The following GNAI1 variants were observed in gnomAD, a reference collection of about 807,000 sequenced individuals.
GNAI1 encodes the protein G protein subunit alpha i1, also known as guanine nucleotide-binding protein G(i) subunit alpha-1.
GNAI1 carries 11 observed loss-of-function variants against 38.9 expected under a neutral mutation model. The ratio of observed to expected loss-of-function variants is 0.28; its 90% CI spans 0.18 to 0.47. The LOEUF is 0.47. Among genes scored for constraint, GNAI1 ranks in the 20% least tolerant of loss-of-function variants. The pLI is 0.99. For synonymous variants in GNAI1, 166 were observed against 145.1 expected (o/e 1.14, Z -1.04); for missense variants, 317 against 436.9 (o/e 0.73, Z 2.45).
At chr7:80,207,630 C>T (rs1359094870) in intron 5 of GNAI1, among the ~76,000 whole-genome samples, 7 of 152,074 alleles carry the variant, frequency 4.6e-5, no homozygotes, top group Non-Finnish European at 8.8e-5. Context: ...ACATGAGCCT[C>T]AGATGAATGA....
chr7:80,206,581 A>T (rs566869616), intron 5 of GNAI1, among the ~76,000 whole-genome samples: 8 of 150,236 alleles, frequency 5.3e-5, no homozygotes, highest in African/African-American at 1.9e-4. Context: ...GGGACTTAGA[A>T]TTTTTTTTTT....
chr7:80,194,005 C>T (rs1788526071), intron 3 of GNAI1, among the ~76,000 whole-genome samples: 1 of 152,064 alleles, frequency 6.6e-6, no homozygotes. Flanking sequence ...TTTTCTGTTC[C>T]AATAACTTTG....
At position 80,199,520 on chromosome 7, in the gene GNAI1, A is replaced by C. The variant is rs537092624; in HGVS notation, c.461+138A>C. 19 of 630,698 alleles carry C rather than the reference A, an allele frequency of 3.0e-5. No homozygotes were observed. In the African/African-American group the frequency reaches 3.3e-4, roughly 11 times the overall value. The allele number at this position is 630,698 out of a possible 1,614,324, so 39.1% of individuals were successfully genotyped here. On this transcript the variant is annotated intron_variant, in intron 4 of 7. Coordinates refer to ENST00000649796, the MANE Select transcript of GNAI1 (RefSeq NM_002069.6). Reference sequence around the variant, plus strand: ...GGATATTCAGGATGACAATATTTTAAAACTTTGTCTTATGTGTGTTGTGTG... The same window carrying C: ...GGATATTCAGGATGACAATATTTTACAACTTTGTCTTATGTGTGTTGTGTG...
rs1303981947 is a variant in GNAI1, at chr7:80,219,565, C to G, written c.*2072C>G. Among the ~76,000 whole-genome samples, 1 of 152,130 alleles carries G rather than the reference C, an allele frequency of 6.6e-6. No homozygotes were observed. The highest frequency in any genetic ancestry group is 2.4e-5 in the African/African-American group (1 of 41,426). Reference sequence around the variant, plus strand: ...AGATGTGATGCCACATTTGGAATTGCCTTCTTGATATCCCCTTCTGAGAAT... The same window carrying G: ...AGATGTGATGCCACATTTGGAATTGGCTTCTTGATATCCCCTTCTGAGAAT... On this transcript the variant is annotated 3_prime_UTR_variant, in exon 8 of 8. Transcript: ENST00000649796.
At position 80,212,791 on chromosome 7, in the gene GNAI1, C is replaced by G; in HGVS notation, c.796C>G (p.Leu266Val). ...GTGGTTTACAGATACATCCATTATA[C>G]TTTTTCTAAACAAGAAGGATCTCTT... The part of the protein sequence containing the change: ...NKWFTDTSII[L>V]FLNKKDLFEE... The change falls in exon 7 of 8, where the codon CTT (leucine) becomes GTT (valine). Residue 266 changes from leucine (L) to valine (V), a missense_variant. By Grantham distance (32) the Leu-to-Val change is conservative. Transcript: ENST00000649796. 1 of 1,576,416 alleles carries G rather than the reference C, an allele frequency of 6.3e-7. No homozygotes were observed. The highest frequency in any genetic ancestry group is 8.6e-7 in the Non-Finnish European group (1 of 1,160,690).
intron 1 of GNAI1, among the ~76,000 whole-genome samples, chr7:80,150,649 T>G (rs1385417787): frequency 6.6e-6 from 1 of 152,210 alleles, no homozygotes; most frequent in Non-Finnish European, 1.5e-5. Flanking sequence ...GTTTTAATTC[T>G]CAAGCTGGAT....
At chr7:80,215,688 G>A (rs1396819514) in intron 7 of GNAI1, among the ~76,000 whole-genome samples, 1 of 152,052 alleles carries the variant, frequency 6.6e-6, no homozygotes, top group African/African-American at 2.4e-5. Flanking sequence ...AGGAGATTCA[G>A]CACTGAAAAA....
intron 1 of GNAI1, among the ~76,000 whole-genome samples, chr7:80,166,751 A>G (rs937266714): frequency 1.3e-5 from 2 of 152,164 alleles, no homozygotes; most frequent in African/African-American, 2.4e-5. Context: ...CACTAATACT[A>G]CTGTCATAGA....
chr7:80,164,067 A>C (rs1298192520), intron 1 of GNAI1, among the ~76,000 whole-genome samples: 1 of 68,746 alleles, frequency 1.5e-5, no homozygotes, highest in African/African-American at 6.2e-5. Context: ...TTTTGTGGGG[A>C]CTGAGTCTCT....
chr7:80,214,986 G>A lies in GNAI1; in HGVS notation c.874+2117G>A, dbSNP rs538953452. On this transcript the variant is annotated intron_variant, in intron 7 of 7. Transcript: ENST00000649796. ...TGTTGTTTGGTTGGTTGGGTTGGTCGGTTGGTTGGTTGGTTAGCACCTGAA... is the reference window on the plus strand; with the variant it reads ...TGTTGTTTGGTTGGTTGGGTTGGTCAGTTGGTTGGTTGGTTAGCACCTGAA... 5.9e-5 allele frequency among the ~76,000 whole-genome samples: 9 copies of A among 152,080 alleles called. 2 individuals are homozygous for A. Among genetic ancestry groups the A allele is most frequent in the East Asian group, 1.9e-4 (1 of 5,164 alleles).
chr7:80,206,896 G>C (rs528289088), intron 5 of GNAI1, among the ~76,000 whole-genome samples: 8 of 152,056 alleles, frequency 5.3e-5, no homozygotes, highest in Non-Finnish European at 8.8e-5. Flanking sequence ...GTATGTGAAT[G>C]TGGTCTCACT....
chr7:80,207,661 T>TA (rs2115696422), intron 5 of GNAI1, among the ~76,000 whole-genome samples: 1 of 152,160 alleles, frequency 6.6e-6, no homozygotes, highest in South Asian at 2.1e-4. Flanking sequence ...GCATTTAGAA[T>TA]AATTCTACTG....
Position 80,199,317 on chromosome 7 carries a change from A to G in GNAI1, c.396A>G (p.Lys132=). The change falls in exon 4 of 8, where the codon AAA becomes AAG. Residue 132 remains lysine, a synonymous_variant. Transcript: ENST00000649796. ...CTGGAGTTATAAAGAGATTGTGGAA[A>G]GATAGTGGTGTACAAGCCTGTTTCA... The part of the protein sequence containing the change: ...ELAGVIKRLW[K]DSGVQACFNR... 3 of 1,613,374 alleles carry G rather than the reference A, an allele frequency of 1.9e-6. No homozygotes were observed. Among genetic ancestry groups the G allele is most frequent in the Non-Finnish European group, 2.5e-6 (3 of 1,179,434 alleles).
Position 80,189,078 on chromosome 7 carries a change from T to G in GNAI1, c.162-12T>G, listed in dbSNP as rs1404070291. 1.2e-6 allele frequency: 2 copies of G among 1,605,640 alleles called. No homozygotes were observed. The highest frequency in any genetic ancestry group is 1.7e-6 in the Non-Finnish European group (2 of 1,174,972). ...AGTAAATAATTCTTTTTTTTCCCTT[T>G]TGTCTCATTAGAATTATCCATGAAG... On this transcript the variant is annotated splice_polypyrimidine_tract_variant and intron_variant, in intron 2 of 7. Coordinates refer to ENST00000649796, the MANE Select transcript of GNAI1 (RefSeq NM_002069.6).
chr7:80,136,078 C>A, intron 1 of GNAI1: 1 of 979,944 alleles, frequency 1.0e-6, no homozygotes, highest in Non-Finnish European at 1.2e-6. Context: ...GCCAGGTACA[C>A]GCAAGGCTTT....
At chr7:80,164,734 A>G (rs1787984572) in intron 1 of GNAI1, among the ~76,000 whole-genome samples, 1 of 152,160 alleles carries the variant, frequency 6.6e-6, no homozygotes, top group Non-Finnish European at 1.5e-5. Context: ...AATTTGGGGC[A>G]TTTATCCATC....
At chr7:80,144,085 A>G (rs1787576642) in intron 1 of GNAI1, among the ~76,000 whole-genome samples, 1 of 152,198 alleles carries the variant, frequency 6.6e-6, no homozygotes. Flanking sequence ...TACTGGGGCT[A>G]GACCAGGTAA....
At chr7:80,151,336 T>C (rs1380772610) in intron 1 of GNAI1, among the ~76,000 whole-genome samples, 3 of 151,832 alleles carry the variant, frequency 2.0e-5, no homozygotes, top group Non-Finnish European at 4.4e-5. Flanking sequence ...CACTTCAATA[T>C]ACAAAACTAT....
At chr7:80,199,642 G>C (rs4489243) in intron 4 of GNAI1, among the ~76,000 whole-genome samples, 142,243 of 152,218 alleles carry the variant, frequency 0.93, 66,526 homozygotes, top group East Asian at 1. Context: ...GGTACCTGTT[G>C]CAATATATTT....
Sources: allele counts gnomAD v4.1 joint callset (sites outside exome capture counted in the v4.1 genomes callset), GRCh38; gene constraint gnomAD v4.1.1; transcripts MANE v1.5; gene names NCBI Gene and HGNC (gene_info 2026-07-23, HGNC 2026-07-21).